The following COL18A1 variants were observed in gnomAD, a reference collection of about 807,000 sequenced individuals.
The protein encoded by COL18A1 is collagen alpha-1(XVIII) chain.
A neutral mutation model predicts 168.0 loss-of-function variants in COL18A1; 133 were observed. That is an observed-to-expected ratio of 0.79 (90% CI 0.69 to 0.91). The LOEUF (loss-of-function observed/expected upper bound fraction) is 0.91. COL18A1 is among the 40% of genes least tolerant of loss of function. COL18A1 has a pLI of 0.00. For synonymous variants in COL18A1, 949 were observed against 809.0 expected, an observed-to-expected ratio of 1.17 and a Z score of -2.94; for missense variants, 2,126 against 1,925.4, an observed-to-expected ratio of 1.10 and a Z score of -1.95.
chr21:45,423,792 G>T lies in COL18A1; in HGVS notation c.106+18319G>T, dbSNP rs1196452170. On this transcript the variant is annotated intron_variant, in intron 2 of 41. Coordinates refer to ENST00000651438, the MANE Select transcript of COL18A1 (RefSeq NM_001379500.1). The surrounding 1 kb of genome is among the most constrained non-coding windows in gnomAD (Gnocchi z 4.0). The stretch of plus-strand genomic sequence containing the variant: ...TACCGGGTGGAGGCAGTTCCGTCCT[G>T]CAGACTCCGTGGTTCTGAGTTGGAG... The T allele has an allele frequency of 1.3e-5, 2 of 152,364 alleles. No individual in the cohort carries two copies. Among genetic ancestry groups the T allele is most frequent in the Non-Finnish European group, 2.9e-5 (2 of 68,148 alleles). 9.4% of individuals were successfully genotyped at this position (152,364 alleles called of 1,614,324 possible). A position where few individuals can be genotyped will look rare whatever the true frequency, so the allele number is the denominator to read the frequency against.
intron 2 of COL18A1, among the ~76,000 whole-genome samples, chr21:45,447,619 A>G (rs977572058): frequency 1.1e-4 from 17 of 152,166 alleles, no homozygotes; most frequent in Non-Finnish European, 2.5e-4. Flanking sequence ...CCCACTGGCT[A>G]TAGAAATTGT....
chr21:45,469,002 G>A (rs144224670), intron 3 of COL18A1, among the ~76,000 whole-genome samples: 9 of 152,356 alleles, frequency 5.9e-5, no homozygotes, highest in Non-Finnish European at 1.0e-4. Flanking sequence ...GGCCTGGCTG[G>A]GGTGGCATTC....
Position 45,423,019 on chromosome 21 carries a change from G to A in COL18A1, c.106+17546G>A, listed in dbSNP as rs1405955392. 6.6e-6 allele frequency among the ~76,000 whole-genome samples: 1 copy of A among 152,098 alleles called. No individual in the cohort carries two copies. The highest frequency in any genetic ancestry group is 1.5e-5 in the Non-Finnish European group (1 of 68,030). ...AGTAGAGACAAGGTTTCTCCATGTT[G>A]GTCAGGCTGGTCTCTAACTCCCGAC... On this transcript the variant is annotated intron_variant, in intron 2 of 41. Transcript: ENST00000651438. The surrounding 1 kb of genome is among the most constrained non-coding windows in gnomAD (Gnocchi z 4.0).
chr21:45,438,370 GCACA>G (rs771862984), intron 2 of COL18A1, among the ~76,000 whole-genome samples: 51 of 137,530 alleles, frequency 3.7e-4, no homozygotes, highest in African/African-American at 1.3e-3. Flanking sequence ...GCACTCTCCT[GCACA>G]CACACACACT....
At chr21:45,444,467 T>C (rs888731547) in intron 2 of COL18A1, among the ~76,000 whole-genome samples, 1 of 152,068 alleles carries the variant, frequency 6.6e-6, no homozygotes, top group South Asian at 2.1e-4. Flanking sequence ...TCCGGACTTT[T>C]GGTTTTCTGG....
rs1027102435 is a variant in COL18A1, at chr21:45,504,505, C to T, written c.2817C>T (p.Gly939=). The change falls in exon 34 of 42, where the codon GGC becomes GGT. Residue 939 remains glycine (G), a synonymous_variant. Coordinates refer to ENST00000651438, the MANE Select transcript of COL18A1 (RefSeq NM_001379500.1). ...GTTTCTTCGGCTCCAGCCTGCCCGG[C>T]CCCCCCGGCCCCCCAGGCCCCCCAG... The part of the protein sequence containing the change: ...GGGFFGSSLP[G]PPGPPGPPGP... 1.5e-5 allele frequency: 21 copies of T among 1,390,268 alleles called. No individual in the cohort carries two copies. The highest frequency in any genetic ancestry group is 2.5e-5 in the Admixed American group (1 of 40,504). 86.1% of individuals were successfully genotyped at this position (1,390,268 alleles called of 1,614,324 possible).
intron 29 of COL18A1, chr21:45,496,178 A>G: frequency 1.9e-6 from 1 of 516,856 alleles, no homozygotes; most frequent in Non-Finnish European, 3.7e-6. Flanking sequence ...CTGTCTTTTG[A>G]GCCAAGAGCT....
intron 2 of COL18A1, among the ~76,000 whole-genome samples, chr21:45,410,666 G>A (rs954316956): frequency 2.2e-4 from 33 of 152,366 alleles, no homozygotes; most frequent in Middle Eastern, 6.8e-3. Flanking sequence ...TCTGGAATCT[G>A]TGCTTAGAGA....
At chr21:45,406,993 C>T (rs1027572433) in intron 2 of COL18A1, among the ~76,000 whole-genome samples, 1 of 152,186 alleles carries the variant, frequency 6.6e-6, no homozygotes, top group African/African-American at 2.4e-5. Context: ...AGGAAGGCCC[C>T]TTGGAGGTGT....
rs1422105024 is a variant in COL18A1 at position 45,443,428 on chromosome 21, T to C, written c.107-24814T>C. Among the ~76,000 whole-genome samples, 1 of 152,078 alleles carries C rather than the reference T, an allele frequency of 6.6e-6. No homozygotes were observed. The highest frequency in any genetic ancestry group is 2.4e-5 in the African/African-American group (1 of 41,382). On this transcript the variant is annotated intron_variant, in intron 2 of 41. Coordinates refer to ENST00000651438, the MANE Select transcript of COL18A1 (RefSeq NM_001379500.1). This position sits in a 1 kb window ranked among gnomAD's most constrained non-coding sequence, Gnocchi z 5.2. ...CTTGAAAGGCCGCCCGTGCCTTTCC[T>C]CCTTGGCCCTCACAGCCCAGCTCGG...
chr21:45,490,247 C>T (rs1222039275), intron 19 of COL18A1, 28 bp from the exon 20 acceptor site: 13 of 1,554,794 alleles, frequency 8.4e-6, no homozygotes, highest in Non-Finnish European at 1.1e-5. Context: ...GTGGCCAATG[C>T]CCTGCGTCCT....
chr21:45,409,675 G>A (rs1184330180), intron 2 of COL18A1, among the ~76,000 whole-genome samples: 2 of 152,212 alleles, frequency 1.3e-5, no homozygotes, highest in Admixed American at 1.3e-4. Flanking sequence ...CCTGCCATCT[G>A]GTGCCTGAGC....
chr21:45,408,404 T>A lies in COL18A1; in HGVS notation c.106+2931T>A, dbSNP rs564337137. 1.8e-4 allele frequency: 27 copies of A among 152,424 alleles called. 2 individuals carry two copies. Among genetic ancestry groups the A allele is most frequent in the African/African-American group, 6.3e-4 (26 of 41,592 alleles). 9.4% of individuals were successfully genotyped at this position (152,424 alleles called of 1,614,324 possible). A position where few individuals can be genotyped will look rare whatever the true frequency, so the allele number is the denominator to read the frequency against. On this transcript the variant is annotated intron_variant, in intron 2 of 41. Coordinates refer to ENST00000651438, the MANE Select transcript of COL18A1 (RefSeq NM_001379500.1). ...CGCAGGCGTGTGATTCTCACAGTCA[T>A]GCTGCATCCACACAAAGTCTTCCTC... is the stretch of plus-strand genomic sequence containing the variant.
At chr21:45,408,776 A>G (rs1053197838) in intron 2 of COL18A1, among the ~76,000 whole-genome samples, 2 of 151,704 alleles carry the variant, frequency 1.3e-5, no homozygotes, top group Admixed American at 1.3e-4. Flanking sequence ...CAGGAAGGAG[A>G]CCCGGCTGGG....
intron 2 of COL18A1, among the ~76,000 whole-genome samples, chr21:45,407,031 A>G (rs1321490202): frequency 6.6e-6 from 1 of 151,852 alleles, no homozygotes; most frequent in Non-Finnish European, 1.5e-5. Flanking sequence ...GCGGGTGGCC[A>G]GGAGGCTGAA....
At position 45,512,544 on chromosome 21, in the gene COL18A1, A is replaced by AAAT. The variant is rs1161095632; in HGVS notation, c.*149_*151dup. The AAAT allele has an allele frequency of 2.7e-6, 2 of 729,296 alleles. No individual in the cohort carries two copies. The highest frequency in any genetic ancestry group is 4.5e-6 in the Non-Finnish European group (2 of 440,576). 45.2% of individuals were successfully genotyped at this position (729,296 alleles called of 1,614,324 possible). A position where few individuals can be genotyped will look rare whatever the true frequency, so the allele number is the denominator to read the frequency against. The stretch of plus-strand genomic sequence containing the variant: ...GTTCACGTTTCATGTAATCCTCAAG[A>AAAT]AATAAAAGGAAGCCAAAGAGTGTAT... On this transcript the variant is annotated 3_prime_UTR_variant, in exon 42 of 42. Coordinates refer to ENST00000651438, the MANE Select transcript of COL18A1 (RefSeq NM_001379500.1).
Position 45,468,443 on chromosome 21 carries a change from AG to A in COL18A1, c.311del (p.Gly104AlafsTer20). The A allele has an allele frequency of 6.2e-7, 1 of 1,614,078 alleles. No homozygotes were observed. Among genetic ancestry groups the A allele is most frequent in the Non-Finnish European group, 8.5e-7 (1 of 1,180,026 alleles). ...CTGTTCCACATCCGGCCAGCCACAGAGGGCCCAGGGGTGCTGTTCGCCATCA... is the reference window on the plus strand; with the variant it reads ...CTGTTCCACATCCGGCCAGCCACAGAGGCCCAGGGGTGCTGTTCGCCATCA... ...SLLFHIRPATEGPGVLFAITD... is the reference protein window; with the variant it reads ...SLLFHIRPATXGPGVLFAITD... On this transcript the variant is annotated frameshift_variant, in exon 3 of 42. Coordinates refer to ENST00000651438, the MANE Select transcript of COL18A1 (RefSeq NM_001379500.1). LOFTEE classifies it high-confidence loss of function.
Position 45,510,216 on chromosome 21 carries a change from C to T in COL18A1, c.3648C>T (p.Ile1216=), listed in dbSNP as rs751253150. Residue 1216 remains isoleucine, a synonymous_variant, in exon 40 of 42, where the codon ATC becomes ATT. Transcript: ENST00000651438. ...LSSRLQDLYS[I]VRRADRAAVP... ...CGCGCCTGCAGGACCTGTACAGCAT[C>T]GTGCGCCGTGCCGACCGCGCAGCCG... is the stretch of plus-strand genomic sequence containing the variant. 26 of 1,605,632 alleles carry T rather than the reference C, an allele frequency of 1.6e-5. No homozygotes were observed. Among genetic ancestry groups the T allele is most frequent in the Admixed American group, 1.7e-5 (1 of 59,358 alleles).
chr21:45,413,254 C>T (rs542704937), intron 2 of COL18A1, among the ~76,000 whole-genome samples: 14 of 152,360 alleles, frequency 9.2e-5, no homozygotes, highest in South Asian at 2.1e-4. Flanking sequence ...TACTGAGCCC[C>T]GCGCTGTGCC....
Sources: gnomAD v4.1 joint callset for allele counts (sites outside exome capture counted in the v4.1 genomes callset) on GRCh38, gnomAD v4.1.1 for gene constraint, Gnocchi (gnomAD v3.1) non-coding constraint, MANE v1.5 for transcripts, NCBI Gene and HGNC (gene_info 2026-07-23, HGNC 2026-07-21) for gene names.